Variants in PLPPR1 observed in about 807,000 individuals in gnomAD.
The protein encoded by PLPPR1 is phospholipid phosphatase-related protein type 1.
In PLPPR1, 10 loss-of-function variants were observed where a neutral mutation model predicts 33.1. That is an observed-to-expected ratio of 0.30 (90% CI 0.19 to 0.51). The LOEUF is 0.51. Among genes scored for constraint, PLPPR1 ranks in the 20% least tolerant of loss-of-function variants. The pLI is 0.97. For missense variants in PLPPR1, 304 were observed against 408.1 expected (o/e 0.74, Z 2.20); for synonymous variants, 151 against 151.0 (o/e 1.00, Z 0.00).
At chr9:101,216,136 A>G (rs927903149) in intron 2 of PLPPR1, among the ~76,000 whole-genome samples, 3 of 152,142 alleles carry the variant, frequency 2.0e-5, no homozygotes, top group Non-Finnish European at 4.4e-5. Flanking sequence ...CATTTTCTCT[A>G]CATCCTTGCC....
intron 2 of PLPPR1, among the ~76,000 whole-genome samples, chr9:101,188,712 A>G (rs1193624015): frequency 6.6e-6 from 1 of 151,904 alleles, no homozygotes; most frequent in Non-Finnish European, 1.5e-5. Flanking sequence ...TCCTTCCTTT[A>G]TTGGTTAAAA....
At chr9:101,171,027 G>T (rs959653057) in intron 1 of PLPPR1, among the ~76,000 whole-genome samples, 7 of 152,106 alleles carry the variant, frequency 4.6e-5, no homozygotes, top group African/African-American at 1.7e-4. Flanking sequence ...GGGTAAGAGT[G>T]TTCTAGGCCA....
chr9:101,245,021 C>T (rs1827560698), intron 2 of PLPPR1, among the ~76,000 whole-genome samples: 1 of 151,990 alleles, frequency 6.6e-6, no homozygotes, highest in African/African-American at 2.4e-5. Context: ...TGAAAGACTA[C>T]ACCAAGAATG....
Position 101,065,846 on chromosome 9 carries a change from T to A in PLPPR1, c.-46+36744T>A, listed in dbSNP as rs546764274. The stretch of plus-strand genomic sequence containing the variant: ...AAAAACTTTTTATTTCAAAGCAGTT[T>A]TATTTTTACAGAAAAGTTGCAAGAC... On this transcript the variant is annotated intron_variant, in intron 1 of 7. Transcript: ENST00000374874. 2.6e-5 allele frequency among the ~76,000 whole-genome samples: 4 copies of A among 152,208 alleles called. No individual in the cohort carries two copies. In the East Asian group the frequency reaches 7.8e-4, roughly 30 times the overall value.
chr9:101,216,336 T>C (rs908182760), intron 2 of PLPPR1, among the ~76,000 whole-genome samples: 2 of 152,234 alleles, frequency 1.3e-5, no homozygotes, highest in African/African-American at 2.4e-5. Context: ...TTTTGAGAAA[T>C]GTCAACTCTG....
chr9:101,238,293 CTA>C (rs1307945596), intron 2 of PLPPR1, among the ~76,000 whole-genome samples: 3 of 130,340 alleles, frequency 2.3e-5, no homozygotes, highest in African/African-American at 2.9e-5. Context: ...TATACATACC[CTA>C]TATATATATA....
intron 2 of PLPPR1, among the ~76,000 whole-genome samples, chr9:101,201,283 A>G (rs888584778): frequency 2.0e-5 from 3 of 152,218 alleles, no homozygotes; most frequent in Non-Finnish European, 4.4e-5. Flanking sequence ...AAGTTTCAAC[A>G]CCTGAACTTT....
chr9:101,044,636 A>G (rs543368155), intron 1 of PLPPR1, among the ~76,000 whole-genome samples: 1 of 152,342 alleles, frequency 6.6e-6, no homozygotes, highest in East Asian at 1.9e-4. Flanking sequence ...TTTATAGAAA[A>G]TGAAAGGAGA....
At chr9:101,227,183 C>T (rs1398901902) in intron 2 of PLPPR1, among the ~76,000 whole-genome samples, 1 of 152,128 alleles carries the variant, frequency 6.6e-6, no homozygotes, top group African/African-American at 2.4e-5. Flanking sequence ...TAGGGGAGCC[C>T]CAATAATCAC....
intron 1 of PLPPR1, among the ~76,000 whole-genome samples, chr9:101,100,030 G>A (rs1396713040): frequency 6.6e-6 from 1 of 152,044 alleles, no homozygotes; most frequent in East Asian, 1.9e-4. Flanking sequence ...TGTGGTGGCT[G>A]ATTATTTTCT....
chr9:101,130,703 C>T (rs967190398), intron 1 of PLPPR1, among the ~76,000 whole-genome samples: 5 of 152,138 alleles, frequency 3.3e-5, no homozygotes, highest in East Asian at 3.9e-4. Context: ...CACTTCTGGG[C>T]GCTTATCTTC....
intron 2 of PLPPR1, among the ~76,000 whole-genome samples, chr9:101,255,543 T>A (rs745319346): frequency 0.019 from 2,831 of 152,314 alleles, 35 homozygotes; most frequent in Middle Eastern, 0.086. Flanking sequence ...GTTAACTTTA[T>A]TGAAGAGTTA....
chr9:101,126,132 A>G (rs1246007213), intron 1 of PLPPR1, among the ~76,000 whole-genome samples: 1 of 152,190 alleles, frequency 6.6e-6, no homozygotes, highest in East Asian at 1.9e-4. Context: ...GATTAACCCA[A>G]TATAGAGCCT....
intron 5 of PLPPR1, among the ~76,000 whole-genome samples, chr9:101,312,220 C>G (rs1828971969): frequency 1.3e-5 from 2 of 152,210 alleles, no homozygotes; most frequent in African/African-American, 4.8e-5. Flanking sequence ...ACAGCTGAAA[C>G]CTATTTATGT....
At chr9:101,214,251 T>C (rs557938554) in intron 2 of PLPPR1, among the ~76,000 whole-genome samples, 1 of 152,376 alleles carries the variant, frequency 6.6e-6, no homozygotes, top group South Asian at 2.1e-4. Flanking sequence ...TTTGACCTGC[T>C]ACAGAGGTAC....
chr9:101,164,662 C>T (rs1825828487), intron 1 of PLPPR1, among the ~76,000 whole-genome samples: 1 of 152,146 alleles, frequency 6.6e-6, no homozygotes, highest in Admixed American at 6.5e-5. Context: ...GCCACTGCAC[C>T]TGGCCAAAAT....
At chr9:101,321,244 G>A (rs141062566) in intron 7 of PLPPR1, among the ~76,000 whole-genome samples, 7 of 152,274 alleles carry the variant, frequency 4.6e-5, no homozygotes, top group East Asian at 1.9e-4. Context: ...AAGACTGGAT[G>A]GGGAGGGCAT....
intron 1 of PLPPR1, among the ~76,000 whole-genome samples, chr9:101,085,840 C>G (rs1255999591): frequency 6.6e-6 from 1 of 151,932 alleles, no homozygotes; most frequent in Non-Finnish European, 1.5e-5. Flanking sequence ...TGGGGTTCCA[C>G]TTCCCTCATT....
chr9:101,033,508 C>T (rs145757998), intron 1 of PLPPR1, among the ~76,000 whole-genome samples: 1 of 152,034 alleles, frequency 6.6e-6, no homozygotes, highest in African/African-American at 2.4e-5. Flanking sequence ...CACCATACAG[C>T]CAAAGACTAA....
Sources: gnomAD v4.1 joint callset for allele counts (sites outside exome capture counted in the v4.1 genomes callset) on GRCh38, gnomAD v4.1.1 for gene constraint, MANE v1.5 for transcripts, NCBI Gene and HGNC (gene_info 2026-07-23, HGNC 2026-07-21) for gene names.